The following CEP55 variants were observed in gnomAD, a reference collection of about 807,000 sequenced individuals.
CEP55 encodes the protein centrosomal protein of 55 kDa.
CEP55 carries 57 observed loss-of-function variants against 63.2 expected under a neutral mutation model. The observed-to-expected ratio is 0.90, with a 90% CI of 0.73 to 1.13. CEP55 has a LOEUF of 1.13. Among genes scored for constraint, CEP55 ranks in the 50% most tolerant of loss-of-function variants. The probability of loss-of-function intolerance (pLI) is 0.00; values close to 1 mark genes in which losing one functional copy is unlikely to be tolerated. For synonymous variants in CEP55, 178 were observed against 191.6 expected (o/e 0.93, Z 0.59); for missense variants, 456 against 518.9 (o/e 0.88, Z 1.18).
intron 8 of CEP55, among the ~76,000 whole-genome samples, chr10:93,520,900 T>A (rs2057854064): frequency 6.6e-6 from 1 of 152,204 alleles, no homozygotes; most frequent in Admixed American, 6.5e-5. Flanking sequence ...AAATGAAAAT[T>A]TATAATTCAT....
chr10:93,503,780 C>G (rs535749380), intron 3 of CEP55, among the ~76,000 whole-genome samples: 1 of 152,096 alleles, frequency 6.6e-6, no homozygotes, highest in African/African-American at 2.4e-5. Flanking sequence ...TTCCTAACTG[C>G]ACTTGCATTT....
chr10:93,511,690 C>T (rs2057751586), intron 4 of CEP55, among the ~76,000 whole-genome samples: 1 of 152,040 alleles, frequency 6.6e-6, no homozygotes, highest in South Asian at 2.1e-4. Context: ...GCAACCTCCA[C>T]CTCCTGGGCT....
chr10:93,517,616 G>A lies in CEP55; in HGVS notation c.993+368G>A, dbSNP rs1589655774. Among the ~76,000 whole-genome samples, 7 of 152,202 alleles carry A rather than the reference G, an allele frequency of 4.6e-5. No homozygotes were observed. In the South Asian group the frequency reaches 1.4e-3, roughly 32 times the overall value. ...TATATGTGAGAAGCCAAAAGAAGAA[G>A]TGAAGTAATGAGAGGAATCGAGGCT... On this transcript the variant is annotated intron_variant, in intron 6 of 8. Coordinates refer to ENST00000371485, the MANE Select transcript of CEP55 (RefSeq NM_018131.5).
intron 1 of CEP55, among the ~76,000 whole-genome samples, chr10:93,498,501 G>A (rs2134452305): frequency 6.6e-6 from 1 of 152,272 alleles, no homozygotes; most frequent in East Asian, 1.9e-4. Flanking sequence ...TTAACTGATG[G>A]ATGAGCTACT....
Position 93,528,051 on chromosome 10 carries a change from T to C in CEP55, c.1293T>C (p.Ala431=), listed in dbSNP as rs747409579. 8.7e-6 allele frequency: 14 copies of C among 1,613,966 alleles called. No homozygotes were observed. The Admixed American group carries it at 2.2e-4, about 25-fold the overall frequency. ...CCGCCTCACCAAAAAGTCCCACTGC[T>C]GCACTCAATGAAAGCCTGGTGGAAT... The part of the protein sequence containing the change: ...KVAASPKSPT[A]ALNESLVECP... The change falls in exon 9 of 9, where the codon GCT becomes GCC. Residue 431 remains alanine (A), a synonymous_variant. Transcript: ENST00000371485.
intron 3 of CEP55, among the ~76,000 whole-genome samples, chr10:93,506,195 C>T (rs1422106080): frequency 6.6e-6 from 1 of 152,148 alleles, no homozygotes; most frequent in Non-Finnish European, 1.5e-5. Context: ...ACCCGCCTTG[C>T]CCTCCCAAAG....
Position 93,503,378 on chromosome 10 carries a change from G to A in CEP55, c.449G>A (p.Arg150His), listed in dbSNP as rs146141551. The A allele has an allele frequency of 4.4e-5, 71 of 1,611,732 alleles. No homozygotes were observed. Among genetic ancestry groups the A allele is most frequent in the Non-Finnish European group, 5.4e-5 (64 of 1,178,542 alleles). Residue 150 changes from arginine (R) to histidine (H), a missense_variant, in exon 3 of 9, where the codon CGT (arginine) becomes CAT (histidine). Transcript: ENST00000371485. ...CTTGAAAGCAAAACCAATACACTCC[G>A]TTTATCACAGGTGCTAATCATTTCT... ...AELESKTNTL[R>H]LSQTVAPNCF...
rs1309846084 is a variant in CEP55, at chr10:93,528,385, C to T, written c.*232C>T. The T allele has an allele frequency of 1.9e-6, 1 of 538,816 alleles. No homozygotes were observed. Among genetic ancestry groups the T allele is most frequent in the East Asian group, 3.2e-5 (1 of 31,394 alleles). 33.4% of individuals were successfully genotyped at this position (538,816 alleles called of 1,614,324 possible). A position where few individuals can be genotyped will look rare whatever the true frequency, so the allele number is the denominator to read the frequency against. On this transcript the variant is annotated 3_prime_UTR_variant, in exon 9 of 9. Transcript: ENST00000371485. ...TGCAATGACAGAATGTGGTGAGCAG[C>T]GTCTACTGAGACTACTAACATTTTG...
At chr10:93,497,840 C>G (rs571480699) in intron 1 of CEP55, among the ~76,000 whole-genome samples, 4 of 151,388 alleles carry the variant, frequency 2.6e-5, no homozygotes, top group African/African-American at 4.9e-5. Flanking sequence ...GAAAGGTGGC[C>G]GGGCGCGGTG....
chr10:93,500,477 C>T (rs1295734612), intron 2 of CEP55, among the ~76,000 whole-genome samples: 1 of 152,120 alleles, frequency 6.6e-6, no homozygotes, highest in Non-Finnish European at 1.5e-5. Flanking sequence ...TTTGAGGTTA[C>T]CAGGTACTAA....
rs912769456 is a variant in CEP55, at chr10:93,499,872, T to TA, written c.-12-158dup. Among the ~76,000 whole-genome samples the TA allele has an allele frequency of 3.4e-5, 5 of 149,188 alleles. No homozygotes were observed. In the South Asian group the frequency reaches 6.4e-4, roughly 19 times the overall value. On this transcript the variant is annotated intron_variant, in intron 1 of 8. Coordinates refer to ENST00000371485, the MANE Select transcript of CEP55 (RefSeq NM_018131.5). The stretch of plus-strand genomic sequence containing the variant: ...ACTCCCATTTATCTACCACTGAGAT[T>TA]AAAAAAAAAAGTTACAATACCCCAG...
rs1218464215 is a variant in CEP55, at chr10:93,496,656, G to C, written c.-280G>C. ...CCACACCTGATGGTGTGACTCGGCC[G>C]ACGCGAGCGCCGCGCTTCGCTTCAG... On this transcript the variant is annotated 5_prime_UTR_variant, in exon 1 of 9. Coordinates refer to ENST00000371485, the MANE Select transcript of CEP55 (RefSeq NM_018131.5). The C allele has an allele frequency of 6.6e-6, 1 of 152,242 alleles. No homozygotes were observed. Among genetic ancestry groups the C allele is most frequent in the Non-Finnish European group, 1.5e-5 (1 of 68,052 alleles). 9.4% of individuals were successfully genotyped at this position (152,242 alleles called of 1,614,324 possible).
chr10:93,519,596 G>T, intron 7 of CEP55, 86 bp from the exon 8 acceptor site: 1 of 1,402,648 alleles, frequency 7.1e-7, no homozygotes. Context: ...TTTTCTTCAT[G>T]TGCTAATAAA....
intron 6 of CEP55, among the ~76,000 whole-genome samples, chr10:93,517,742 T>TCATAATAC (rs2057819227): frequency 6.6e-6 from 1 of 152,264 alleles, no homozygotes; most frequent in South Asian, 2.1e-4. Context: ...TGCTATGGTA[T>TCATAATAC]CATAATAATG....
chr10:93,521,776 T>C (rs1295450400), intron 8 of CEP55, among the ~76,000 whole-genome samples: 1 of 152,124 alleles, frequency 6.6e-6, no homozygotes, highest in African/African-American at 2.4e-5. Flanking sequence ...GCAGCAACAT[T>C]TGCTGTTCAC....
intron 4 of CEP55, among the ~76,000 whole-genome samples, chr10:93,509,581 T>C (rs4917814): frequency 6.6e-6 from 1 of 152,012 alleles, no homozygotes; most frequent in Admixed American, 6.6e-5. Context: ...CGTCTCCTGG[T>C]TTCAAGTGAT....
intron 4 of CEP55, among the ~76,000 whole-genome samples, chr10:93,509,571 C>A (rs998134796): frequency 6.6e-6 from 1 of 152,062 alleles, no homozygotes; most frequent in Non-Finnish European, 1.5e-5. Context: ...TTGCAACCTC[C>A]GTCTCCTGGT....
In CEP55 at chr10:93,503,157, A is replaced by G. The variant is rs1177002997; in HGVS notation, c.228A>G (p.Gln76=). 2 of 1,614,142 alleles carry G rather than the reference A, an allele frequency of 1.2e-6. No individual in the cohort carries two copies. The highest frequency in any genetic ancestry group is 3.3e-5 in the Admixed American group (2 of 60,018). ...CTGAGAAGGAGAAGAATGCTTATCA[A>G]CTCACAGAGAAGGACAAAGAAATAC... ...LEAEKEKNAY[Q]LTEKDKEIQR... Residue 76 remains glutamine, a synonymous_variant, in exon 3 of 9, where the codon CAA becomes CAG. Transcript: ENST00000371485.
At chr10:93,523,939 A>G (rs1461887504) in intron 8 of CEP55, among the ~76,000 whole-genome samples, 3 of 152,236 alleles carry the variant, frequency 2.0e-5, no homozygotes, top group African/African-American at 7.2e-5. Context: ...CATTTAAAGC[A>G]GTGTGTAGAG....
Sources: allele counts gnomAD v4.1 joint callset (sites outside exome capture counted in the v4.1 genomes callset), GRCh38; gene constraint gnomAD v4.1.1; transcripts MANE v1.5; gene names NCBI Gene and HGNC (gene_info 2026-07-23, HGNC 2026-07-21).